Variants in ZNF638 observed in about 807,000 individuals in gnomAD.
The protein encoded by ZNF638 is CTCL tumor antigen se33-1.
ZNF638 carries 46 observed loss-of-function variants against 195.6 expected under a neutral mutation model. The ratio of observed to expected loss-of-function variants is 0.24; its 90% CI spans 0.19 to 0.30. The LOEUF is 0.30. Ranked by LOEUF, ZNF638 falls within the 10% of genes least tolerant of loss-of-function variation. The pLI is 1.00. For missense variants in ZNF638, 2,440 were observed against 2,325.3 expected (o/e 1.05, Z -1.01); for synonymous variants, 845 against 772.0 (o/e 1.09, Z -1.57).
At chr2:71,365,133 T>C (rs2079174076) in intron 5 of ZNF638, among the ~76,000 whole-genome samples, 1 of 152,242 alleles carries the variant, frequency 6.6e-6, no homozygotes, top group Non-Finnish European at 1.5e-5. Flanking sequence ...AACATATGAA[T>C]TGATAAATAT....
At chr2:71,339,612 C>T (rs575259043) in intron 1 of ZNF638, among the ~76,000 whole-genome samples, 1 of 152,222 alleles carries the variant, frequency 6.6e-6, no homozygotes, top group Admixed American at 6.5e-5. Flanking sequence ...TGAATACCTT[C>T]ATTATTGTCT....
At chr2:71,399,033 C>G (rs79723786) in intron 12 of ZNF638, among the ~76,000 whole-genome samples, 8 of 152,138 alleles carry the variant, frequency 5.3e-5, no homozygotes, top group Non-Finnish European at 1.0e-4. Flanking sequence ...TGTCGTTTCC[C>G]TCCATAAATG....
intron 1 of ZNF638, among the ~76,000 whole-genome samples, chr2:71,337,074 G>T (rs1021936899): frequency 6.6e-6 from 1 of 151,794 alleles, no homozygotes; most frequent in Non-Finnish European, 1.5e-5. Context: ...ATCCAAAAAT[G>T]TGTTTAAGGC....
At chr2:71,401,914 CAAAG>C (rs775378836) in intron 15 of ZNF638, 38 bp from the exon 16 acceptor site, 27 of 1,512,658 alleles carry the variant, frequency 1.8e-5, no homozygotes, top group African/African-American at 9.8e-5. Flanking sequence ...AAATATGAAA[CAAAG>C]AAATTTTAAT....
chr2:71,331,943 C>T (rs1181840441), intron 1 of ZNF638, 68 bp downstream of exon 1: 4 of 984,798 alleles, frequency 4.1e-6, no homozygotes, highest in Middle Eastern at 5.2e-4. Flanking sequence ...GGGTCCTGAG[C>T]CCTTCCTGTG....
In ZNF638 at chr2:71,347,108, G is replaced by C. The variant is rs562060487; in HGVS notation, c.-202-1645G>C. Reference sequence around the variant, plus strand: ...AGGGAGGTTGAATGGGGGTGACCTTGAAGGATGAATAAAGTCAGGTGAGCG... The same window carrying C: ...AGGGAGGTTGAATGGGGGTGACCTTCAAGGATGAATAAAGTCAGGTGAGCG... On this transcript the variant is annotated intron_variant, in intron 1 of 27. Coordinates refer to ENST00000264447, the MANE Select transcript of ZNF638 (RefSeq NM_014497.5). Among the ~76,000 whole-genome samples, 3 of 152,328 alleles carry C rather than the reference G, an allele frequency of 2.0e-5. No homozygotes were observed. The East Asian group carries it at 5.8e-4, about 29-fold the overall frequency.
intron 19 of ZNF638, chr2:71,407,887 T>C: frequency 2.8e-6 from 1 of 362,264 alleles, no homozygotes; most frequent in Non-Finnish European, 5.0e-6. Context: ...TAATTCTGTT[T>C]TACGCATGTA....
Position 71,396,324 on chromosome 2 carries a change from AATC to A in ZNF638, c.2428+137_2428+139del, listed in dbSNP as rs546638064. On this transcript the variant is annotated intron_variant, in intron 11 of 27. Transcript: ENST00000264447. ...ATGCATGCTAATCTTTGAGATTTATAATCATCTAGCAATTTTGAGAAATGATAT... is the reference window on the plus strand; with the variant it reads ...ATGCATGCTAATCTTTGAGATTTATAATCTAGCAATTTTGAGAAATGATAT... 338 of 684,396 alleles carry A rather than the reference AATC, an allele frequency of 4.9e-4. 3 individuals are homozygous for A. In the South Asian group the frequency reaches 5.5e-3, roughly 11 times the overall value. The allele number at this position is 684,396 out of a possible 1,614,324, so 42.4% of individuals were successfully genotyped here.
intron 11 of ZNF638, among the ~76,000 whole-genome samples, chr2:71,397,322 TA>T (rs1481121115): frequency 1.3e-5 from 2 of 152,320 alleles, no homozygotes; most frequent in East Asian, 3.9e-4. Context: ...AGAAATATCT[TA>T]AGGGCTCACT....
At chr2:71,422,751 A>G (rs2152602083) in intron 21 of ZNF638, 63 bp from the exon 22 acceptor site, 1 of 1,507,886 alleles carries the variant, frequency 6.6e-7, no homozygotes, top group Non-Finnish European at 8.9e-7. Context: ...AATTCTCATC[A>G]TAGTTTGATT....
chr2:71,424,370 C>G (rs1246127018), intron 22 of ZNF638, among the ~76,000 whole-genome samples: 1 of 151,712 alleles, frequency 6.6e-6, no homozygotes, highest in Admixed American at 6.6e-5. Context: ...ACTGTTTCCT[C>G]TCTTAAATTG....
chr2:71,393,250 A>C, intron 10 of ZNF638: 1 of 594,246 alleles, frequency 1.7e-6, no homozygotes. Context: ...AATTTCAATC[A>C]ACTATAGAAA....
intron 10 of ZNF638, chr2:71,393,656 A>G: frequency 1.4e-6 from 1 of 717,072 alleles, no homozygotes; most frequent in Non-Finnish European, 2.6e-6. Context: ...GTAAGTTACA[A>G]CTCACGTAGG....
intron 1 of ZNF638, among the ~76,000 whole-genome samples, chr2:71,347,613 T>C (rs1004505867): frequency 2.0e-5 from 3 of 152,202 alleles, no homozygotes; most frequent in African/African-American, 7.2e-5. Flanking sequence ...GAGGTCCTGA[T>C]AGCACCAGCA....
intron 27 of ZNF638, 38 bp from the exon 28 acceptor site, chr2:71,434,704 T>G (rs773848764): frequency 1.9e-5 from 30 of 1,569,284 alleles, no homozygotes; most frequent in Non-Finnish European, 2.6e-5. Context: ...CAAAATAACG[T>G]CTAATAAGTA....
In ZNF638 at chr2:71,355,706, CCTT is replaced by C; in HGVS notation, c.1318-12_1318-10del. The C allele has an allele frequency of 6.4e-7, 1 of 1,560,824 alleles. No individual in the cohort carries two copies. Among genetic ancestry groups the C allele is most frequent in the Non-Finnish European group, 8.7e-7 (1 of 1,146,954 alleles). ...AATATTCTAATTTCAACACTTTTCTCCTTTTACAATAGGATTGGATTCAGCATC... is the reference window on the plus strand; with the variant it reads ...AATATTCTAATTTCAACACTTTTCTCTTACAATAGGATTGGATTCAGCATC... On this transcript the variant is annotated splice_polypyrimidine_tract_variant and intron_variant, in intron 2 of 27. Coordinates refer to ENST00000264447, the MANE Select transcript of ZNF638 (RefSeq NM_014497.5).
At chr2:71,363,432 A>G (rs2079142009) in intron 4 of ZNF638, among the ~76,000 whole-genome samples, 1 of 115,990 alleles carries the variant, frequency 8.6e-6, no homozygotes, top group Non-Finnish European at 2.1e-5. Flanking sequence ...TATGTTTATG[A>G]CATCTTCTCT....
At chr2:71,388,864 C>T (rs1368886282) in intron 10 of ZNF638, 6 of 641,794 alleles carry the variant, frequency 9.3e-6, no homozygotes, top group East Asian at 5.5e-5. Context: ...AGCAGAGCCT[C>T]GGTTTCACAG....
At chr2:71,404,855 A>G (rs193176525) in intron 17 of ZNF638, among the ~76,000 whole-genome samples, 14 of 152,300 alleles carry the variant, frequency 9.2e-5, no homozygotes, top group African/African-American at 1.2e-4. Flanking sequence ...CAGTGCCTCT[A>G]TGTGACCTAT....
Sources: allele counts gnomAD v4.1 joint callset (sites outside exome capture counted in the v4.1 genomes callset), GRCh38; gene constraint gnomAD v4.1.1; transcripts MANE v1.5; gene names NCBI Gene and HGNC (gene_info 2026-07-23, HGNC 2026-07-21).